CC2D2B: variants seen among roughly 807,000 people sequenced by gnomAD.
The protein encoded by CC2D2B is coiled-coil and C2 domain containing 2B.
In CC2D2B, 128 loss-of-function variants were observed where a neutral mutation model predicts 161.2. The ratio of observed to expected loss-of-function variants is 0.79; its 90% CI spans 0.69 to 0.92. The LOEUF (loss-of-function observed/expected upper bound fraction) is 0.92. Ranked by LOEUF, CC2D2B falls within the 40% of genes least tolerant of loss-of-function variation. The pLI is 0.00. For missense variants in CC2D2B, 1,173 were observed against 1,375.1 expected, an observed-to-expected ratio of 0.85 and a Z score of 2.32; for synonymous variants, 391 against 449.8, an observed-to-expected ratio of 0.87 and a Z score of 1.65.
intron 23 of CC2D2B, 86 bp downstream of exon 23, chr10:95,995,451 T>C (rs2141710340): frequency 1.5e-6 from 1 of 678,848 alleles, no homozygotes; most frequent in Non-Finnish European, 2.3e-6. Context: ...TCTCCATCTA[T>C]ATTTTCTTTG....
intron 11 of CC2D2B, 67 bp from the exon 12 acceptor site, chr10:95,961,762 A>C: frequency 1.1e-6 from 1 of 939,698 alleles, no homozygotes; most frequent in Non-Finnish European, 1.4e-6. Flanking sequence ...ACATTCTTCC[A>C]TGCCACTTTT....
intron 18 of CC2D2B, among the ~76,000 whole-genome samples, chr10:95,982,324 G>T (rs1041323509): frequency 6.6e-6 from 1 of 152,004 alleles, no homozygotes; most frequent in Non-Finnish European, 1.5e-5. Flanking sequence ...CCTCCTTTAG[G>T]CCTGATGGAT....
At chr10:95,988,363 A>G (rs72813685) in intron 20 of CC2D2B, 21 bp downstream of exon 20, 22,045 of 1,107,670 alleles carry the variant, frequency 0.02, 267 homozygotes, top group Non-Finnish European at 0.023. Flanking sequence ...AGTATTATCA[A>G]TATATTTGCA....
Position 95,924,394 on chromosome 10 carries a change from A to G in CC2D2B, c.174+4A>G. 1 of 1,449,814 alleles carries G rather than the reference A, an allele frequency of 6.9e-7. No homozygotes were observed. 89.8% of individuals were successfully genotyped at this position (1,449,814 alleles called of 1,614,324 possible). A position where few individuals can be genotyped will look rare whatever the true frequency, so the allele number is the denominator to read the frequency against. On this transcript the variant is annotated splice_donor_region_variant and intron_variant, in intron 4 of 34. Transcript: ENST00000646931. ...AGAAAAGCTAAAAATTTCTAAGGTA[A>G]TGCTTTTTAAAATTTCCTGTTTTCA... is the stretch of plus-strand genomic sequence containing the variant.
intron 25 of CC2D2B, among the ~76,000 whole-genome samples, chr10:96,008,414 C>A (rs1590861642): frequency 6.6e-6 from 1 of 151,974 alleles, no homozygotes; most frequent in East Asian, 1.9e-4. Flanking sequence ...TAGACAAATG[C>A]TTTCATTTCT....
chr10:95,972,788 C>A (rs1211797957), intron 16 of CC2D2B, among the ~76,000 whole-genome samples: 3 of 152,122 alleles, frequency 2.0e-5, no homozygotes, highest in African/African-American at 7.2e-5. Context: ...GCAAGCTCTG[C>A]TTTTGAGTGG....
intron 22 of CC2D2B, among the ~76,000 whole-genome samples, chr10:95,994,421 G>C (rs1333723417): frequency 6.6e-6 from 1 of 152,220 alleles, no homozygotes. Flanking sequence ...AGGAGTACGG[G>C]AGGAACATGA....
At chr10:96,010,099 G>C (rs4145209) in intron 26 of CC2D2B, among the ~76,000 whole-genome samples, 176 bp downstream of exon 26, 93,420 of 152,040 alleles carry the variant, frequency 0.61, 28,901 homozygotes, top group East Asian at 0.83. Flanking sequence ...TGTCTCTGGA[G>C]AGTTCTTTAG....
At chr10:95,993,794 T>TAG (rs1231100063) in intron 22 of CC2D2B, among the ~76,000 whole-genome samples, 101 of 137,914 alleles carry the variant, frequency 7.3e-4, no homozygotes, top group African/African-American at 2.6e-3. Flanking sequence ...TATATATATA[T>TAG]AGAGAGAGAG....
intron 32 of CC2D2B, among the ~76,000 whole-genome samples, chr10:96,021,765 A>G (rs2079471709): frequency 6.6e-6 from 1 of 151,988 alleles, no homozygotes; most frequent in Non-Finnish European, 1.5e-5. Context: ...TTGGGGAGAG[A>G]AAAAAAAGGA....
intron 6 of CC2D2B, among the ~76,000 whole-genome samples, chr10:95,929,345 T>G (rs1400817942): frequency 2.6e-5 from 4 of 152,206 alleles, no homozygotes; most frequent in Non-Finnish European, 5.9e-5. Context: ...TTCTGTAGGT[T>G]GCCTGTTCAC....
chr10:95,970,668 CCTA>C (rs959454652), intron 15 of CC2D2B, among the ~76,000 whole-genome samples: 7 of 152,194 alleles, frequency 4.6e-5, no homozygotes, highest in African/African-American at 1.7e-4. Context: ...GAGAATCCAT[CCTA>C]CATACCCTAA....
At chr10:95,976,311 G>A (rs896024733) in intron 17 of CC2D2B, among the ~76,000 whole-genome samples, 2 of 152,106 alleles carry the variant, frequency 1.3e-5, no homozygotes, top group African/African-American at 4.8e-5. Flanking sequence ...AAGGTTACCA[G>A]CAAGTGACCT....
chr10:96,002,185 A>G (rs918403008), intron 24 of CC2D2B, among the ~76,000 whole-genome samples: 20 of 152,170 alleles, frequency 1.3e-4, no homozygotes, highest in Non-Finnish European at 1.0e-4. Context: ...CATCCTTGCA[A>G]TTATAGCAGT....
At chr10:95,952,753 G>A (rs564358925) in intron 10 of CC2D2B, among the ~76,000 whole-genome samples, 4 of 151,976 alleles carry the variant, frequency 2.6e-5, no homozygotes, top group African/African-American at 9.6e-5. Flanking sequence ...CATAATATAG[G>A]TTTATTTTAA....
chr10:95,980,674 G>A (rs992085817), intron 17 of CC2D2B, among the ~76,000 whole-genome samples: 6 of 152,122 alleles, frequency 3.9e-5, no homozygotes, highest in Non-Finnish European at 7.4e-5. Flanking sequence ...TCACCTGTTC[G>A]TAATTTTCCT....
rs748092352 is a variant in CC2D2B at position 96,019,210 on chromosome 10, T to C, written c.3638T>C (p.Val1213Ala). The change falls in exon 31 of 35, where the codon GTG becomes GCG. Residue 1213 changes from valine to alanine, a missense_variant. Val to Ala is a moderately conservative substitution (Grantham distance 64). Transcript: ENST00000646931. ...LLGTSVLEGHVAYVVTQETNE... is the reference protein window; with the variant it reads ...LLGTSVLEGHAAYVVTQETNE... ...TTCTTTTTTCTCATACAGGGGCATGTGGCTTATGTAGTAACTCAAGAAACT... is the reference window on the plus strand; with the variant it reads ...TTCTTTTTTCTCATACAGGGGCATGCGGCTTATGTAGTAACTCAAGAAACT... 2.5e-6 allele frequency: 4 copies of C among 1,595,824 alleles called. No individual in the cohort carries two copies. The highest frequency in any genetic ancestry group is 2.6e-6 in the Non-Finnish European group (3 of 1,174,304).
intron 20 of CC2D2B, among the ~76,000 whole-genome samples, chr10:95,988,758 C>T (rs946386271): frequency 3.9e-5 from 6 of 152,126 alleles, no homozygotes; most frequent in African/African-American, 1.2e-4. Flanking sequence ...AAAATAGATA[C>T]GCTTTGAAAC....
intron 30 of CC2D2B, among the ~76,000 whole-genome samples, chr10:96,016,816 G>A (rs908163321): frequency 1.3e-5 from 2 of 152,134 alleles, no homozygotes; most frequent in East Asian, 1.9e-4. Context: ...TGCCTCCCGC[G>A]TTCTAGTGAT....
Sources: gnomAD v4.1 joint callset for allele counts (sites outside exome capture counted in the v4.1 genomes callset) on GRCh38, gnomAD v4.1.1 for gene constraint, MANE v1.5 for transcripts, NCBI Gene and HGNC (gene_info 2026-07-23, HGNC 2026-07-21) for gene names.